Variants in USP12 observed in about 807,000 individuals in gnomAD.
USP12 encodes ubiquitin specific peptidase 12.
In USP12, 19 loss-of-function variants were observed where a neutral mutation model predicts 45.5. The observed-to-expected ratio is 0.42, with a 90% CI of 0.29 to 0.61. The LOEUF (loss-of-function observed/expected upper bound fraction) is 0.61. Ranked by LOEUF, USP12 falls within the 20% of genes least tolerant of loss-of-function variation. The probability of loss-of-function intolerance (pLI) is 0.22; values close to 1 mark genes in which losing one functional copy is unlikely to be tolerated. For synonymous variants in USP12, 149 were observed against 148.8 expected, an observed-to-expected ratio of 1.00 and a Z score of -0.01; for missense variants, 242 against 447.7, an observed-to-expected ratio of 0.54 and a Z score of 4.15.
chr13:27,142,865 C>A (rs532296914), intron 1 of USP12, among the ~76,000 whole-genome samples: 2 of 152,212 alleles, frequency 1.3e-5, no homozygotes, highest in Non-Finnish European at 2.9e-5. Flanking sequence ...GAGGCCGAGG[C>A]AGGCTGATCA....
rs58958898 is a variant in USP12 at position 27,148,127 on chromosome 13, C to CAA, written c.48+23463_48+23464dup. Among the ~76,000 whole-genome samples the CAA allele has an allele frequency of 7.0e-3, 1,019 of 144,902 alleles. 13 individuals carry two copies. Among genetic ancestry groups the CAA allele is most frequent in the African/African-American group, 0.022 (858 of 39,176 alleles). ...CTGGGCAACAGAGCGAGACCTATCT[C>CAA]AAAAAAAAAAAAGACTTTTCTAAAA... On this transcript the variant is annotated intron_variant, in intron 1 of 8. Transcript: ENST00000282344.
At chr13:27,097,414 G>A (rs987274562) in intron 3 of USP12, among the ~76,000 whole-genome samples, 10 of 152,172 alleles carry the variant, frequency 6.6e-5, no homozygotes, top group Admixed American at 2.6e-4. Context: ...GCAGTGAGCC[G>A]AGATTGCGCC....
chr13:27,144,910 A>AG (rs1877244515), intron 1 of USP12, among the ~76,000 whole-genome samples: 1 of 151,880 alleles, frequency 6.6e-6, no homozygotes, highest in Non-Finnish European at 1.5e-5. Context: ...AAAAAGAAAA[A>AG]AAAAAAATCA....
At chr13:27,170,452 T>C (rs964586056) in intron 1 of USP12, 20 of 397,066 alleles carry the variant, frequency 5.0e-5, no homozygotes, top group Non-Finnish European at 8.4e-5. Context: ...CAGAAGTCTC[T>C]AATAACAACC....
chr13:27,163,781 A>AAAAG (rs1878228298), intron 1 of USP12, among the ~76,000 whole-genome samples: 1 of 135,182 alleles, frequency 7.4e-6, no homozygotes, highest in Non-Finnish European at 1.7e-5. Context: ...AAAAAAAAAA[A>AAAAG]AAAAGAAAAA....
At chr13:27,167,099 T>C (rs2137850367) in intron 1 of USP12, among the ~76,000 whole-genome samples, 1 of 152,162 alleles carries the variant, frequency 6.6e-6, no homozygotes, top group East Asian at 1.9e-4. Context: ...CCATCTCTAC[T>C]AAAAATACAA....
In USP12 at chr13:27,067,091, T is replaced by G. The variant is rs924919435; in HGVS notation, c.*2192A>C. ...GGAACTCAACACATACACTAGAACT[T>G]GCTTTAATATGAAATTTAACTTGGC... On this transcript the variant is annotated 3_prime_UTR_variant, in exon 9 of 9. Coordinates refer to ENST00000282344, the MANE Select transcript of USP12 (RefSeq NM_182488.4). 3 of 152,164 alleles carry G rather than the reference T, an allele frequency of 2.0e-5. No homozygotes were observed. Among genetic ancestry groups the G allele is most frequent in the African/African-American group, 7.2e-5 (3 of 41,428 alleles). The allele number at this position is 152,164 out of a possible 1,614,324, so 9.4% of individuals were successfully genotyped here.
At chr13:27,149,074 C>G (rs1193908738) in intron 1 of USP12, among the ~76,000 whole-genome samples, 1 of 152,082 alleles carries the variant, frequency 6.6e-6, no homozygotes, top group Non-Finnish European at 1.5e-5. Context: ...GTCCCACCTA[C>G]TCAGGGGACT....
At chr13:27,114,755 C>G (rs1323630053) in intron 2 of USP12, among the ~76,000 whole-genome samples, 2 of 146,498 alleles carry the variant, frequency 1.4e-5, no homozygotes, top group Non-Finnish European at 3.0e-5. Context: ...GGGTATTTTC[C>G]TCCTCTCCAT....
intron 1 of USP12, among the ~76,000 whole-genome samples, chr13:27,133,587 C>G (rs571747584): frequency 5.8e-4 from 87 of 150,052 alleles, no homozygotes; most frequent in Non-Finnish European, 1.0e-3. Context: ...CAATATCGCG[C>G]CACTGCGCTC....
At chr13:27,080,373 A>G (rs1347249362) in intron 6 of USP12, among the ~76,000 whole-genome samples, 1 of 152,218 alleles carries the variant, frequency 6.6e-6, no homozygotes, top group Non-Finnish European at 1.5e-5. Context: ...TAGTTAGGAA[A>G]ATGAAGCAAA....
intron 1 of USP12, among the ~76,000 whole-genome samples, chr13:27,165,056 T>G (rs992650477): frequency 7.2e-5 from 2 of 27,732 alleles, no homozygotes; most frequent in African/African-American, 2.5e-4. Flanking sequence ...GCTGGTGTGC[T>G]TTTTTTTTTT....
At chr13:27,073,953 C>T (rs1203924540) in intron 7 of USP12, among the ~76,000 whole-genome samples, 1 of 152,188 alleles carries the variant, frequency 6.6e-6, no homozygotes, top group Non-Finnish European at 1.5e-5. Context: ...AATCTTGACA[C>T]TGCTTCACTC....
intron 6 of USP12, among the ~76,000 whole-genome samples, chr13:27,087,034 G>A (rs535232382): frequency 1.1e-4 from 17 of 152,104 alleles, no homozygotes; most frequent in Admixed American, 2.0e-4. Flanking sequence ...ACTATTTGAT[G>A]GGGCCAAATA....
chr13:27,106,938 A>G (rs1296861588), intron 2 of USP12, among the ~76,000 whole-genome samples: 1 of 152,210 alleles, frequency 6.6e-6, no homozygotes, highest in Non-Finnish European at 1.5e-5. Flanking sequence ...AAATAAAGAG[A>G]AATTAATTAT....
intron 3 of USP12, among the ~76,000 whole-genome samples, chr13:27,099,252 G>A (rs763151630): frequency 2.6e-5 from 4 of 152,096 alleles, no homozygotes; most frequent in Non-Finnish European, 4.4e-5. Context: ...AAATGTTATT[G>A]TAAGAATGTA....
chr13:27,152,072 A>C (rs762456400), intron 1 of USP12, among the ~76,000 whole-genome samples: 1 of 152,218 alleles, frequency 6.6e-6, no homozygotes, highest in South Asian at 2.1e-4. Context: ...AAAATGGTCC[A>C]TCTCTGGAAA....
intron 6 of USP12, among the ~76,000 whole-genome samples, chr13:27,075,952 C>G (rs548781396): frequency 6.6e-6 from 1 of 150,774 alleles, no homozygotes; most frequent in Non-Finnish European, 1.5e-5. Flanking sequence ...ATCGCTTGAA[C>G]CCAGGAGGCG....
At chr13:27,072,848 C>A (rs899739890) in intron 7 of USP12, among the ~76,000 whole-genome samples, 1 of 152,126 alleles carries the variant, frequency 6.6e-6, no homozygotes. Context: ...AACTGACATG[C>A]TGATAATGAG....
Sources: allele counts gnomAD v4.1 joint callset (sites outside exome capture counted in the v4.1 genomes callset), GRCh38; gene constraint gnomAD v4.1.1; transcripts MANE v1.5; gene names NCBI Gene and HGNC (gene_info 2026-07-23, HGNC 2026-07-21).